The following L3MBTL4 variants were observed in gnomAD, a reference collection of about 807,000 sequenced individuals.
The protein encoded by L3MBTL4 is L3MBTL histone methyl-lysine binding protein 4, also known as lethal(3)malignant brain tumor-like protein 4.
Under a neutral mutation model 84.5 loss-of-function variants are expected in L3MBTL4, and 70 were observed. The ratio of observed to expected loss-of-function variants is 0.83; its 90% CI spans 0.68 to 1.01. The LOEUF is 1.01. Among genes scored for constraint, L3MBTL4 ranks in the 50% least tolerant of loss-of-function variants. The pLI, the probability that L3MBTL4 is intolerant of heterozygous loss-of-function variation, is 0.00. For missense variants in L3MBTL4, 715 were observed against 754.8 expected, an observed-to-expected ratio of 0.95 and a Z score of 0.62; for synonymous variants, 274 against 259.8, an observed-to-expected ratio of 1.05 and a Z score of -0.52.
At chr18:6,112,630 C>A (rs1044502893) in intron 14 of L3MBTL4, among the ~76,000 whole-genome samples, 18 of 152,114 alleles carry the variant, frequency 1.2e-4, no homozygotes, top group African/African-American at 3.9e-4. Flanking sequence ...AGATTCTGAA[C>A]CTGAAATTGA....
rs1439106011 is a variant in L3MBTL4 at position 5,960,035 on chromosome 18, TATAC to T, written c.1677+55_1677+58del. On this transcript the variant is annotated intron_variant, in intron 18 of 18. Transcript: ENST00000317931. ...ACATATATATATATACATATATATA[TATAC>T]ACACACATATATATATATATACATA... 49 of 260,226 alleles carry T rather than the reference TATAC, an allele frequency of 1.9e-4. 1 individual carries two copies. The highest frequency in any genetic ancestry group is 8.0e-4 in the South Asian group (8 of 10,048). 16.1% of individuals were successfully genotyped at this position (260,226 alleles called of 1,614,324 possible).
chr18:6,280,117 T>C (rs374554812), intron 4 of L3MBTL4, among the ~76,000 whole-genome samples: 6 of 152,226 alleles, frequency 3.9e-5, no homozygotes, highest in Non-Finnish European at 8.8e-5. Flanking sequence ...TCTCAATGAA[T>C]GTAAATTTAA....
chr18:5,994,504 G>C (rs2053857476), intron 16 of L3MBTL4, among the ~76,000 whole-genome samples: 2 of 152,158 alleles, frequency 1.3e-5, no homozygotes, highest in African/African-American at 4.8e-5. Flanking sequence ...CCCATTACGA[G>C]GGAAGCAGGT....
chr18:6,045,628 T>C (rs574601672), intron 16 of L3MBTL4, among the ~76,000 whole-genome samples: 3 of 152,094 alleles, frequency 2.0e-5, no homozygotes, highest in African/African-American at 4.8e-5. Context: ...GAGAACAGCA[T>C]AGGAAAGACC....
chr18:6,067,877 C>G (rs1251950969), intron 16 of L3MBTL4, among the ~76,000 whole-genome samples: 1 of 152,116 alleles, frequency 6.6e-6, no homozygotes, highest in African/African-American at 2.4e-5. Flanking sequence ...GTCATATTAC[C>G]AGAATTACTT....
intron 16 of L3MBTL4, among the ~76,000 whole-genome samples, chr18:5,990,806 A>G (rs62076849): frequency 4.5e-5 from 6 of 133,550 alleles, no homozygotes; most frequent in Admixed American, 1.4e-4. Context: ...TGTGTGTGTG[A>G]TGGGCTACTC....
chr18:6,243,491 T>A, intron 6 of L3MBTL4, 62 bp from the exon 7 acceptor site: 10 of 1,373,850 alleles, frequency 7.3e-6, no homozygotes, highest in Non-Finnish European at 9.8e-6. Flanking sequence ...AGACACAAAA[T>A]TCACAAAATA....
chr18:6,348,677 C>T (rs2053038234), intron 1 of L3MBTL4, among the ~76,000 whole-genome samples: 1 of 151,654 alleles, frequency 6.6e-6, no homozygotes, highest in Non-Finnish European at 1.5e-5. Flanking sequence ...CAAAAAGGTA[C>T]CAACCAAAAA....
At chr18:6,124,736 G>T (rs2059634338) in intron 14 of L3MBTL4, among the ~76,000 whole-genome samples, 1 of 152,046 alleles carries the variant, frequency 6.6e-6, no homozygotes, top group African/African-American at 2.4e-5. Flanking sequence ...AGGAATAAAG[G>T]AAATTAAGTA....
At chr18:6,057,999 T>C (rs1196958190) in intron 16 of L3MBTL4, among the ~76,000 whole-genome samples, 6 of 152,194 alleles carry the variant, frequency 3.9e-5, no homozygotes, top group African/African-American at 1.4e-4. Flanking sequence ...TTAACTTTTG[T>C]AATAATCAAC....
At chr18:6,382,950 T>C (rs986234425) in intron 1 of L3MBTL4, among the ~76,000 whole-genome samples, 3 of 149,912 alleles carry the variant, frequency 2.0e-5, no homozygotes, top group Non-Finnish European at 4.5e-5. Context: ...CCCAGGGAGA[T>C]GGGGATTTTA....
chr18:6,219,393 A>C (rs1427031660), intron 10 of L3MBTL4, among the ~76,000 whole-genome samples: 1 of 150,892 alleles, frequency 6.6e-6, no homozygotes, highest in African/African-American at 2.4e-5. Flanking sequence ...ATATTGTTTA[A>C]ATTATTTATT....
chr18:6,020,037 G>C (rs998843063), intron 16 of L3MBTL4, among the ~76,000 whole-genome samples: 1 of 152,160 alleles, frequency 6.6e-6, no homozygotes, highest in Non-Finnish European at 1.5e-5. Flanking sequence ...ATATAGGGAG[G>C]AACAAGACAC....
intron 14 of L3MBTL4, among the ~76,000 whole-genome samples, chr18:6,132,715 AAAG>A (rs1225894941): frequency 2.6e-5 from 4 of 152,232 alleles, no homozygotes; most frequent in Non-Finnish European, 4.4e-5. Flanking sequence ...TAGATAATAC[AAAG>A]AAGAACATCA....
intron 1 of L3MBTL4, among the ~76,000 whole-genome samples, chr18:6,317,820 C>A (rs1450597415): frequency 6.6e-6 from 1 of 152,030 alleles, no homozygotes; most frequent in Non-Finnish European, 1.5e-5. Context: ...CTAAAGTCAA[C>A]ATGAAGGAAA....
chr18:6,004,228 A>C (rs1373203177), intron 16 of L3MBTL4, among the ~76,000 whole-genome samples: 1 of 152,172 alleles, frequency 6.6e-6, no homozygotes, highest in Non-Finnish European at 1.5e-5. Context: ...GAAAAGGATT[A>C]TAAGAGAGTA....
intron 15 of L3MBTL4, 109 bp downstream of exon 15, chr18:6,093,246 A>C (rs2058517096): frequency 2.2e-6 from 2 of 895,870 alleles, no homozygotes; most frequent in Non-Finnish European, 3.2e-6. Flanking sequence ...CCAGAAATAA[A>C]AATAATTCTT....
intron 16 of L3MBTL4, among the ~76,000 whole-genome samples, chr18:6,071,632 A>C (rs759996876): frequency 1.3e-5 from 2 of 150,040 alleles, no homozygotes; most frequent in Non-Finnish European, 3.0e-5. Context: ...GATAGATCCC[A>C]TAAAAAAGAA....
intron 5 of L3MBTL4, among the ~76,000 whole-genome samples, chr18:6,262,386 G>A (rs1191388186): frequency 6.6e-6 from 1 of 152,176 alleles, no homozygotes; most frequent in Non-Finnish European, 1.5e-5. Context: ...CAACACAGCA[G>A]GCACTGCCGG....
Sources: gnomAD v4.1 joint callset for allele counts (sites outside exome capture counted in the v4.1 genomes callset) on GRCh38, gnomAD v4.1.1 for gene constraint, MANE v1.5 for transcripts, NCBI Gene and HGNC (gene_info 2026-07-23, HGNC 2026-07-21) for gene names.